The following DIP2B variants were observed in gnomAD, a reference collection of about 807,000 sequenced individuals.
DIP2B encodes DIP2 acetate--CoA ligase B (putative).
DIP2B carries 76 observed loss-of-function variants against 198.0 expected under a neutral mutation model. The ratio of observed to expected loss-of-function variants is 0.38; its 90% CI spans 0.32 to 0.46. The LOEUF is 0.46. Among genes scored for constraint, DIP2B ranks in the 20% least tolerant of loss-of-function variants. DIP2B has a pLI of 0.99. For synonymous variants in DIP2B, 701 were observed against 739.1 expected, an observed-to-expected ratio of 0.95 and a Z score of 0.84; for missense variants, 1,559 against 1,978.4, an observed-to-expected ratio of 0.79 and a Z score of 4.02.
At chr12:50,532,395 A>G (rs1958226156) in intron 1 of DIP2B, among the ~76,000 whole-genome samples, 1 of 152,134 alleles carries the variant, frequency 6.6e-6, no homozygotes, top group Non-Finnish European at 1.5e-5. Context: ...TGCGCCTGTA[A>G]TCCCAGCTAC....
rs777968040 is a variant in DIP2B, at chr12:50,674,540, G to T, written c.707G>T (p.Arg236Leu). The T allele has an allele frequency of 1.2e-5, 20 of 1,613,826 alleles. No individual in the cohort carries two copies. The Admixed American group carries it at 2.3e-4, about 19-fold the overall frequency. ...TCCTCCTCATCATCTTCCTCAATTCGCCCAGCAAACATTGACCTGCCCCCC... is the reference window on the plus strand; with the variant it reads ...TCCTCCTCATCATCTTCCTCAATTCTCCCAGCAAACATTGACCTGCCCCCC... ...TSSSSSSSSI[R>L]PANIDLPPSG... is the part of the protein sequence containing the mutation. The change falls in exon 6 of 38, where the codon CGC becomes CTC. Residue 236 changes from arginine to leucine, a missense_variant. Coordinates refer to ENST00000301180, the MANE Select transcript of DIP2B (RefSeq NM_173602.3).
intron 19 of DIP2B, among the ~76,000 whole-genome samples, chr12:50,703,838 G>A (rs903785914): frequency 1.3e-5 from 2 of 150,206 alleles, no homozygotes; most frequent in African/African-American, 4.9e-5. Context: ...GATATATTTC[G>A]TGGAAAAGCA....
At chr12:50,620,353 A>G (rs920867251) in intron 1 of DIP2B, among the ~76,000 whole-genome samples, 1 of 152,182 alleles carries the variant, frequency 6.6e-6, no homozygotes, top group African/African-American at 2.4e-5. Context: ...CCAGGTGGTG[A>G]GGAAAGAAGT....
At chr12:50,653,862 T>C (rs1359638810) in intron 3 of DIP2B, among the ~76,000 whole-genome samples, 1 of 152,046 alleles carries the variant, frequency 6.6e-6, no homozygotes, top group African/African-American at 2.4e-5. Flanking sequence ...TATTATTTCT[T>C]TCCTTTTGCT....
At chr12:50,556,490 A>G (rs1269946030) in intron 1 of DIP2B, among the ~76,000 whole-genome samples, 1 of 152,224 alleles carries the variant, frequency 6.6e-6, no homozygotes, top group Non-Finnish European at 1.5e-5. Flanking sequence ...TACTAATAGT[A>G]AAACAGCCGT....
intron 3 of DIP2B, among the ~76,000 whole-genome samples, chr12:50,651,332 A>G (rs1938449123): frequency 6.6e-6 from 1 of 152,208 alleles, no homozygotes; most frequent in Middle Eastern, 3.4e-3. Flanking sequence ...TTTAAGTTTA[A>G]TGTAGTCTTA....
intron 30 of DIP2B, among the ~76,000 whole-genome samples, chr12:50,730,869 TC>T (rs1170310248): frequency 5.9e-5 from 9 of 152,148 alleles, no homozygotes; most frequent in African/African-American, 2.2e-4. Context: ...GCACTACCAC[TC>T]CCCTACCCTG....
Position 50,505,218 on chromosome 12 carries a change from G to A in DIP2B, c.78G>A (p.Glu26=), listed in dbSNP as rs764592096. The change falls in exon 1 of 38, where the codon GAG becomes GAA. Residue 26 remains glutamate, a synonymous_variant. Coordinates refer to ENST00000301180, the MANE Select transcript of DIP2B (RefSeq NM_173602.3). ...LPPEVRAQLA[E]LELELSEGDI... is the part of the protein sequence containing the mutation. ...CTGAAGTGCGGGCGCAGCTGGCGGA[G>A]CTGGAGCTGGAGCTCTCGGAGGGTA... is the stretch of plus-strand genomic sequence containing the variant. The A allele has an allele frequency of 2.0e-6, 3 of 1,519,520 alleles. No homozygotes were observed. Among genetic ancestry groups the A allele is most frequent in the South Asian group, 2.4e-5 (2 of 82,994 alleles). The allele number at this position is 1,519,520 out of a possible 1,614,324, so 94.1% of individuals were successfully genotyped here.
chr12:50,693,119 C>T (rs1294986230), intron 14 of DIP2B, 106 bp downstream of exon 14: 1 of 1,104,890 alleles, frequency 9.1e-7, no homozygotes, highest in Non-Finnish European at 1.3e-6. Context: ...ATTTAAATCC[C>T]CAAAAGGTCA....
chr12:50,555,744 C>T (rs1593605775), intron 1 of DIP2B, among the ~76,000 whole-genome samples: 1 of 152,028 alleles, frequency 6.6e-6, no homozygotes, highest in Admixed American at 6.6e-5. Flanking sequence ...CCTTTCACCC[C>T]ATGCTTGTTT....
At chr12:50,742,990 A>T (rs895437350) in intron 37 of DIP2B, among the ~76,000 whole-genome samples, 4 of 152,196 alleles carry the variant, frequency 2.6e-5, no homozygotes, top group African/African-American at 9.6e-5. Context: ...ACATCTGGAA[A>T]GCATCCAGGG....
At position 50,723,389 on chromosome 12, in the gene DIP2B, C is replaced by G. The variant is rs578210540; in HGVS notation, c.3288+66C>G. 8.8e-6 allele frequency: 14 copies of G among 1,582,416 alleles called. No homozygotes were observed. The East Asian group carries it at 3.2e-4, about 36-fold the overall frequency. ...AATCCAGATTCAGACAACTAAGGAT[C>G]CTTACTAATTTTCCAATTTTGTTAA... On this transcript the variant is annotated intron_variant, in intron 27 of 37. Transcript: ENST00000301180.
chr12:50,628,120 C>T (rs182520090), intron 2 of DIP2B, among the ~76,000 whole-genome samples: 3 of 152,258 alleles, frequency 2.0e-5, no homozygotes, highest in African/African-American at 7.2e-5. Context: ...GCTGTAATTC[C>T]AGTACTTTGG....
chr12:50,570,496 C>T (rs1050695066), intron 1 of DIP2B, among the ~76,000 whole-genome samples: 2 of 152,064 alleles, frequency 1.3e-5, no homozygotes, highest in Admixed American at 6.5e-5. Context: ...GGATCACTTG[C>T]GGTCAGGAGT....
At chr12:50,628,913 C>G (rs985159184) in intron 2 of DIP2B, among the ~76,000 whole-genome samples, 1 of 152,182 alleles carries the variant, frequency 6.6e-6, no homozygotes, top group African/African-American at 2.4e-5. Flanking sequence ...GGGTCTGGCT[C>G]TGTCGCCCAG....
At chr12:50,518,223 CTTTTT>C (rs11303099) in intron 1 of DIP2B, among the ~76,000 whole-genome samples, 2 of 132,550 alleles carry the variant, frequency 1.5e-5, no homozygotes, top group African/African-American at 2.7e-5. Flanking sequence ...TCTTGGGCAA[CTTTTT>C]TTTTTTTTTT....
chr12:50,655,951 G>C (rs1471813486), intron 3 of DIP2B, among the ~76,000 whole-genome samples: 1 of 152,032 alleles, frequency 6.6e-6, no homozygotes, highest in East Asian at 1.9e-4. Context: ...CTCCAGCCTG[G>C]GTGACAGAGT....
intron 3 of DIP2B, among the ~76,000 whole-genome samples, chr12:50,659,832 G>A (rs773369472): frequency 1.1e-4 from 17 of 152,060 alleles, no homozygotes; most frequent in Non-Finnish European, 2.1e-4. Flanking sequence ...CCAGGCACCT[G>A]CACAGCGCTC....
At chr12:50,676,598 T>C (rs1938951338) in intron 7 of DIP2B, among the ~76,000 whole-genome samples, 1 of 152,212 alleles carries the variant, frequency 6.6e-6, no homozygotes, top group South Asian at 2.1e-4. Flanking sequence ...CTGAAAAAAT[T>C]GCATTGGCAG....
Sources: allele counts gnomAD v4.1 joint callset (sites outside exome capture counted in the v4.1 genomes callset), GRCh38; gene constraint gnomAD v4.1.1; transcripts MANE v1.5; gene names NCBI Gene and HGNC (gene_info 2026-07-23, HGNC 2026-07-21).